EPHA4: variants seen among roughly 807,000 people sequenced by gnomAD.
EPHA4 encodes the protein EPH receptor A4, also known as ephrin type-A receptor 4.
A neutral mutation model predicts 108.3 loss-of-function variants in EPHA4; 19 were observed. That is an observed-to-expected ratio of 0.18 (90% CI 0.12 to 0.26). The LOEUF (loss-of-function observed/expected upper bound fraction) is 0.26, where lower values mean the gene tolerates loss of function less well. EPHA4 is among the 10% of genes least tolerant of loss of function. The pLI is 1.00. For synonymous variants in EPHA4, 449 were observed against 455.5 expected (o/e 0.99, Z 0.18); for missense variants, 917 against 1,254.0 (o/e 0.73, Z 4.06).
intron 3 of EPHA4, among the ~76,000 whole-genome samples, chr2:221,552,280 T>C (rs1694184317): frequency 6.6e-6 from 1 of 152,232 alleles, no homozygotes; most frequent in Admixed American, 6.5e-5. Context: ...GCCCTTGTAT[T>C]GATCTCTTAT....
At chr2:221,572,107 C>T (rs751308593) in intron 1 of EPHA4, 51 bp downstream of exon 1, 2 of 1,508,292 alleles carry the variant, frequency 1.3e-6, no homozygotes, top group African/African-American at 1.4e-5. Context: ...ACCCCTCACC[C>T]GCGATGGCCC....
chr2:221,519,986 C>A (rs1317028877), intron 3 of EPHA4, among the ~76,000 whole-genome samples: 1 of 151,944 alleles, frequency 6.6e-6, no homozygotes, highest in African/African-American at 2.4e-5. Context: ...CTTCTTTTCT[C>A]TTTTGCTTCC....
chr2:221,457,862 A>G lies in EPHA4; in HGVS notation c.1443+4T>C, dbSNP rs1252092380. On this transcript the variant is annotated splice_donor_region_variant and intron_variant, in intron 6 of 17. Coordinates refer to ENST00000281821, the MANE Select transcript of EPHA4 (RefSeq NM_004438.5). ...GAAAGGAGTGTTGTTCACTCAAGTA[A>G]TACCTTCTCATAATACTTGACTTCA... The G allele has an allele frequency of 6.2e-7, 1 of 1,612,876 alleles. No homozygotes were observed. Among genetic ancestry groups the G allele is most frequent in the African/African-American group, 1.3e-5 (1 of 74,850 alleles).
At position 221,426,765 on chromosome 2, in the gene EPHA4, T is replaced by C. The variant is rs571247329; in HGVS notation, c.2691-146A>G. 1.6e-4 allele frequency: 110 copies of C among 707,188 alleles called. No homozygotes were observed. The African/African-American group carries it at 1.6e-3, about 10-fold the overall frequency. 43.8% of individuals were successfully genotyped at this position (707,188 alleles called of 1,614,324 possible). ...GAACAATTGTTGTTAAATGTAACTA[T>C]GCAATATTTTGCTCTTAACTTCACA... is the stretch of plus-strand genomic sequence containing the variant. On this transcript the variant is annotated intron_variant, in intron 15 of 17. Transcript: ENST00000281821.
At chr2:221,532,126 CTTT>C (rs5838890) in intron 3 of EPHA4, among the ~76,000 whole-genome samples, 5 of 142,894 alleles carry the variant, frequency 3.5e-5, no homozygotes, top group Non-Finnish European at 1.5e-5. Context: ...TCAATTTATT[CTTT>C]TTTTTTTTTT....
At position 221,572,175 on chromosome 2, in the gene EPHA4, A is replaced by G; in HGVS notation, c.74T>C (p.Val25Ala). The G allele has an allele frequency of 6.2e-7, 1 of 1,613,984 alleles. No homozygotes were observed. ...GCTCTTACCTTCATTCGCGGGGTAT[A>G]CCCTGGAACCTGTGACAGCGTCGCA... Reference protein sequence around the residue: ...GICDAVTGSRVYPANEVTLLD... With the variant: ...GICDAVTGSRAYPANEVTLLD... The change falls in exon 1 of 18, where the codon GTA (valine) becomes GCA (alanine). Residue 25 changes from valine (V) to alanine (A), a missense_variant. By Grantham distance (64) the Val-to-Ala change is moderately conservative (BLOSUM62 0). Around this residue, in one of 3 missense-constraint regions of EPHA4, gnomAD observed 758 missense variants for 1,076.7 expected, o/e 0.70. Coordinates refer to ENST00000281821, the MANE Select transcript of EPHA4 (RefSeq NM_004438.5).
At chr2:221,437,757 C>CAAAAAAAAAAAAAA (rs538233784) in intron 11 of EPHA4, among the ~76,000 whole-genome samples, 1 of 125,860 alleles carries the variant, frequency 7.9e-6, no homozygotes, top group Non-Finnish European at 1.7e-5. Flanking sequence ...ACTAAAAATA[C>CAAAAAAAAAAAAAA]AAAAAAAAAA....
At chr2:221,495,677 C>T (rs369325266) in intron 4 of EPHA4, among the ~76,000 whole-genome samples, 35 of 152,256 alleles carry the variant, frequency 2.3e-4, no homozygotes, top group African/African-American at 5.3e-4. Context: ...AGTTTGTTTA[C>T]GATTAAATTC....
rs189493169 is a variant in EPHA4, at chr2:221,523,039, A to G, written c.824-21867T>C. ...CGGCCTCCCAAAGTGCTGGGATTACAGGTGTGAGCCACCACGCCCAGCCAA... is the reference window on the plus strand; with the variant it reads ...CGGCCTCCCAAAGTGCTGGGATTACGGGTGTGAGCCACCACGCCCAGCCAA... On this transcript the variant is annotated intron_variant, in intron 3 of 17. Coordinates refer to ENST00000281821, the MANE Select transcript of EPHA4 (RefSeq NM_004438.5). Among the ~76,000 whole-genome samples, 17 of 152,264 alleles carry G rather than the reference A, an allele frequency of 1.1e-4. No homozygotes were observed. In the East Asian group the frequency reaches 3.3e-3, roughly 29 times the overall value.
At chr2:221,494,402 G>A (rs910523871) in intron 4 of EPHA4, among the ~76,000 whole-genome samples, 2 of 152,142 alleles carry the variant, frequency 1.3e-5, no homozygotes, top group African/African-American at 2.4e-5. Context: ...TCAGGAGTTC[G>A]AGACCAGCCT....
At position 221,482,562 on chromosome 2, in the gene EPHA4, C is replaced by T. The variant is rs1307844419; in HGVS notation, c.1108G>A (p.Gly370Arg). Reference protein sequence around the residue: ...ISYNVVCKKCGAGDPSKCRPC... With the variant: ...ISYNVVCKKCRAGDPSKCRPC... ...CGGCACTTGCTGGGGTCACCAGCTC[C>T]ACATTTCTTGCATACCACATTATAG... Residue 370 changes from glycine to arginine, a missense_variant, in exon 5 of 18, where the codon GGA becomes AGA. This residue lies in a region of EPHA4 where 758 missense variants were observed against 1,076.7 expected (regional missense o/e 0.70). Transcript: ENST00000281821. The T allele has an allele frequency of 1.9e-6, 3 of 1,613,946 alleles. No individual in the cohort carries two copies. Among genetic ancestry groups the T allele is most frequent in the African/African-American group, 1.3e-5 (1 of 74,892 alleles).
At chr2:221,543,949 G>A (rs779072614) in intron 3 of EPHA4, among the ~76,000 whole-genome samples, 1 of 152,088 alleles carries the variant, frequency 6.6e-6, no homozygotes, top group Non-Finnish European at 1.5e-5. Context: ...TGGAAAGTAC[G>A]AGATCAAAGC....
chr2:221,518,349 C>G (rs1175929229), intron 3 of EPHA4, among the ~76,000 whole-genome samples: 1 of 152,172 alleles, frequency 6.6e-6, no homozygotes, highest in African/African-American at 2.4e-5. Flanking sequence ...CCGCTCTTTA[C>G]CCGCTCCTGC....
At chr2:221,446,077 TG>T in intron 9 of EPHA4, 45 bp downstream of exon 9, 1 of 1,282,292 alleles carries the variant, frequency 7.8e-7, no homozygotes, top group South Asian at 1.6e-5. Flanking sequence ...CTAGAAAACG[TG>T]TGACATGCTC....
At position 221,501,132 on chromosome 2, in the gene EPHA4, G is replaced by A; in HGVS notation, c.864C>T (p.Ala288=). ...TGTGGGGTGGGCACTTGGCACAGGT[G>A]GCATCCGTGGAGAGAGCCTTGTAAT... ...IGYYKALSTD[A]TCAKCPPHSY... Residue 288 remains alanine, a synonymous_variant, in exon 4 of 18, where the codon GCC becomes GCT. Transcript: ENST00000281821. 6.2e-7 allele frequency: 1 copy of A among 1,612,932 alleles called. No homozygotes were observed. The highest frequency in any genetic ancestry group is 1.1e-5 in the South Asian group (1 of 90,852).
At chr2:221,534,285 A>G (rs1693600905) in intron 3 of EPHA4, among the ~76,000 whole-genome samples, 2 of 152,362 alleles carry the variant, frequency 1.3e-5, no homozygotes, top group Admixed American at 1.3e-4. Context: ...CCACTTACCC[A>G]TAAGTGGCTC....
chr2:221,479,350 A>T (rs1691752248), intron 5 of EPHA4, among the ~76,000 whole-genome samples: 1 of 152,182 alleles, frequency 6.6e-6, no homozygotes, highest in Non-Finnish European at 1.5e-5. Context: ...GAATTCTAGC[A>T]GGTTTTGCGT....
intron 2 of EPHA4, among the ~76,000 whole-genome samples, chr2:221,566,857 A>AAGG (rs1255052730): frequency 3.9e-4 from 23 of 59,110 alleles, no homozygotes; most frequent in Non-Finnish European, 4.7e-4. Context: ...GGAGAAGGAG[A>AAGG]AGAAGAAGAA....
rs750742380 is a variant in EPHA4, at chr2:221,419,481, G to A, written c.*1891C>T. On this transcript the variant is annotated 3_prime_UTR_variant, in exon 18 of 18. Transcript: ENST00000281821. ...AAAAGTATATGAATTGCATATATTC[G>A]TTCGCATTCAACAAGTCCATTTATG... The A allele has an allele frequency of 2.0e-5, 3 of 152,646 alleles. No homozygotes were observed. Among genetic ancestry groups the A allele is most frequent in the Middle Eastern group, 3.4e-3 (1 of 294 alleles). The allele number at this position is 152,646 out of a possible 1,614,324, so 9.5% of individuals were successfully genotyped here. A position where few individuals can be genotyped will look rare whatever the true frequency, so the allele number is the denominator to read the frequency against.
Sources: allele counts gnomAD v4.1 joint callset (sites outside exome capture counted in the v4.1 genomes callset), GRCh38; gene constraint gnomAD v4.1.1; regional missense constraint gnomAD v4.1.1; transcripts MANE v1.5; gene names NCBI Gene and HGNC (gene_info 2026-07-23, HGNC 2026-07-21).